The following PTPRM variants were observed in gnomAD, a reference collection of about 807,000 sequenced individuals.
PTPRM encodes receptor-type tyrosine-protein phosphatase mu.
Under a neutral mutation model 186.7 loss-of-function variants are expected in PTPRM, and 47 were observed. That is an observed-to-expected ratio of 0.25 (90% CI 0.20 to 0.32). The LOEUF (loss-of-function observed/expected upper bound fraction) is 0.32, where lower values mean the gene tolerates loss of function less well. Ranked by LOEUF, PTPRM falls within the 10% of genes least tolerant of loss-of-function variation. The pLI is 1.00. For synonymous variants in PTPRM, 668 were observed against 674.9 expected, an observed-to-expected ratio of 0.99 and a Z score of 0.16; for missense variants, 1,494 against 1,865.0, an observed-to-expected ratio of 0.80 and a Z score of 3.66.
intron 2 of PTPRM, among the ~76,000 whole-genome samples, chr18:7,798,535 A>G (rs1314401597): frequency 6.6e-6 from 1 of 152,160 alleles, no homozygotes; most frequent in Non-Finnish European, 1.5e-5. Context: ...TCTCAAAAAA[A>G]AAAAAGGTTA....
chr18:8,399,631 G>A (rs2095861712), intron 32 of PTPRM: 1 of 152,242 alleles, frequency 6.6e-6, no homozygotes, highest in Non-Finnish European at 1.5e-5. Context: ...ACCAAAGCCA[G>A]AAGAGGTGCT....
chr18:8,108,025 G>A (rs934811485), intron 11 of PTPRM, among the ~76,000 whole-genome samples: 2 of 152,074 alleles, frequency 1.3e-5, no homozygotes, highest in Admixed American at 1.3e-4. Context: ...GACAGATTTA[G>A]GAAAAGACAA....
intron 22 of PTPRM, among the ~76,000 whole-genome samples, chr18:8,341,162 G>A (rs1224143473): frequency 6.6e-6 from 1 of 152,174 alleles, no homozygotes. Flanking sequence ...GAGGAAAGGT[G>A]CTGTGTTTTC....
At chr18:8,384,767 T>A in intron 30 of PTPRM, 81 bp downstream of exon 30, 1 of 1,543,052 alleles carries the variant, frequency 6.5e-7, no homozygotes, top group South Asian at 1.2e-5. Context: ...ACTCACTCTA[T>A]GTCAGTCACT....
At chr18:8,203,654 A>G (rs1008530840) in intron 14 of PTPRM, among the ~76,000 whole-genome samples, 2 of 152,188 alleles carry the variant, frequency 1.3e-5, no homozygotes, top group Non-Finnish European at 1.5e-5. Flanking sequence ...ATGCTAAAGT[A>G]TTGGGGGAAA....
intron 2 of PTPRM, among the ~76,000 whole-genome samples, chr18:7,827,970 T>C (rs889205270): frequency 6.6e-6 from 1 of 152,214 alleles, no homozygotes; most frequent in Non-Finnish European, 1.5e-5. Flanking sequence ...CCACAGGCGG[T>C]TCATCATCTG....
chr18:8,328,854 G>A (rs1598322379), intron 22 of PTPRM, among the ~76,000 whole-genome samples: 1 of 152,200 alleles, frequency 6.6e-6, no homozygotes, highest in South Asian at 2.1e-4. Flanking sequence ...AATTTCAAAA[G>A]ATAGTTGCCA....
At chr18:7,912,660 C>T (rs573752468) in intron 4 of PTPRM, among the ~76,000 whole-genome samples, 15 of 150,842 alleles carry the variant, frequency 9.9e-5, no homozygotes, top group South Asian at 2.1e-4. Flanking sequence ...TACAGGCACC[C>T]GCCACCACGC....
At chr18:7,724,531 A>G (rs769242002) in intron 1 of PTPRM, among the ~76,000 whole-genome samples, 2 of 152,220 alleles carry the variant, frequency 1.3e-5, no homozygotes, top group Non-Finnish European at 1.5e-5. Flanking sequence ...TTATCCCTAC[A>G]ACATTGGTTT....
At chr18:8,095,158 C>T (rs115617898) in intron 11 of PTPRM, among the ~76,000 whole-genome samples, 3,395 of 152,158 alleles carry the variant, frequency 0.022, 54 homozygotes, top group African/African-American at 0.047. Flanking sequence ...AAGAGAGCAA[C>T]ATGGAATCTA....
intron 7 of PTPRM, among the ~76,000 whole-genome samples, chr18:8,052,134 C>T (rs1416493351): frequency 2.0e-5 from 3 of 152,164 alleles, no homozygotes; most frequent in Non-Finnish European, 4.4e-5. Context: ...GGCGATGCTG[C>T]TGTGCTGGTG....
At chr18:8,120,570 A>G (rs1222520763) in intron 13 of PTPRM, among the ~76,000 whole-genome samples, 1 of 142,964 alleles carries the variant, frequency 7.0e-6, no homozygotes, top group Non-Finnish European at 1.5e-5. Flanking sequence ...TCTGCTCACT[A>G]TTGCAACCTC....
At chr18:8,400,078 A>G (rs654768) in intron 32 of PTPRM, among the ~76,000 whole-genome samples, 120,735 of 152,146 alleles carry the variant, frequency 0.79, 48,126 homozygotes, top group East Asian at 0.88. Flanking sequence ...AGGGGACCTG[A>G]GAACAGGGCA....
At chr18:8,128,126 A>T (rs562357897) in intron 13 of PTPRM, among the ~76,000 whole-genome samples, 1 of 152,276 alleles carries the variant, frequency 6.6e-6, no homozygotes, top group African/African-American at 2.4e-5. Flanking sequence ...AAGGGAAGAA[A>T]ATGCCTCCTT....
chr18:7,681,468 C>T lies in PTPRM; in HGVS notation c.74-92681C>T, dbSNP rs574963255. On this transcript the variant is annotated intron_variant, in intron 1 of 32. Transcript: ENST00000580170. ...CCTGATTAATGTCGGGGCTGTTACACGGGCCATCAAGTTCTCTCCTCATGA... is the reference window on the plus strand; with the variant it reads ...CCTGATTAATGTCGGGGCTGTTACATGGGCCATCAAGTTCTCTCCTCATGA... 2.6e-5 allele frequency among the ~76,000 whole-genome samples: 4 copies of T among 152,048 alleles called. No individual in the cohort carries two copies. The South Asian group carries it at 6.2e-4, about 24-fold the overall frequency.
chr18:8,333,270 T>A (rs2095421442), intron 22 of PTPRM, among the ~76,000 whole-genome samples: 1 of 152,226 alleles, frequency 6.6e-6, no homozygotes. Context: ...TTAACATAAG[T>A]AGCCTCAGGG....
chr18:8,161,980 T>G (rs945586065), intron 14 of PTPRM, among the ~76,000 whole-genome samples: 2 of 152,200 alleles, frequency 1.3e-5, no homozygotes, highest in African/African-American at 4.8e-5. Context: ...TGCTGTTGAC[T>G]CCTGTTATTT....
intron 1 of PTPRM, among the ~76,000 whole-genome samples, chr18:7,581,012 T>G (rs76138321): frequency 6.6e-6 from 1 of 152,252 alleles, no homozygotes; most frequent in Non-Finnish European, 1.5e-5. Flanking sequence ...GCAGTCAGAT[T>G]CTTCTCGTGG....
At chr18:7,758,432 T>G (rs1019847768) in intron 1 of PTPRM, among the ~76,000 whole-genome samples, 2 of 152,200 alleles carry the variant, frequency 1.3e-5, no homozygotes, top group African/African-American at 4.8e-5. Flanking sequence ...GGAAACACAT[T>G]AGGGAAGTGA....
Sources: gnomAD v4.1 joint callset for allele counts (sites outside exome capture counted in the v4.1 genomes callset) on GRCh38, gnomAD v4.1.1 for gene constraint, MANE v1.5 for transcripts, NCBI Gene and HGNC (gene_info 2026-07-23, HGNC 2026-07-21) for gene names.